TBCE: variants seen among roughly 807,000 people sequenced by gnomAD.
TBCE encodes tubulin folding cofactor E.
In TBCE, 53 loss-of-function variants were observed where a neutral mutation model predicts 77.0. The observed-to-expected ratio is 0.69, with a 90% CI of 0.55 to 0.87. The LOEUF (loss-of-function observed/expected upper bound fraction) is 0.87, where lower values mean the gene tolerates loss of function less well. Ranked by LOEUF, TBCE falls within the 40% of genes least tolerant of loss-of-function variation. The probability of loss-of-function intolerance (pLI) is 0.00; values close to 1 mark genes in which losing one functional copy is unlikely to be tolerated. For missense variants in TBCE, 624 were observed against 622.4 expected (o/e 1.00, Z -0.03); for synonymous variants, 235 against 241.3 (o/e 0.97, Z 0.24).
intron 5 of TBCE, among the ~76,000 whole-genome samples, chr1:235,422,682 A>G (rs1436273907): frequency 6.6e-6 from 1 of 151,874 alleles, no homozygotes; most frequent in Non-Finnish European, 1.5e-5. Context: ...TACAAAAATT[A>G]GCCAGGCATG....
intron 4 of TBCE, 122 bp downstream of exon 4, chr1:235,414,740 A>G (rs1680018817): frequency 1.1e-6 from 1 of 932,018 alleles, no homozygotes; most frequent in Admixed American, 2.1e-5. Context: ...ATGGTTCCAC[A>G]GAAACGGAAT....
At chr1:235,430,370 A>G (rs1681017837) in intron 6 of TBCE, 1 of 254,544 alleles carries the variant, frequency 3.9e-6, no homozygotes, top group Non-Finnish European at 7.7e-6. Context: ...TTTGTTTTGC[A>G]GTATCCAGAG....
At chr1:235,414,651 T>A (rs1470163244) in intron 4 of TBCE, 33 bp downstream of exon 4, 1 of 1,605,382 alleles carries the variant, frequency 6.2e-7, no homozygotes, top group South Asian at 1.1e-5. Flanking sequence ...GAGCTGACTT[T>A]TATGGTTTTA....
At position 235,450,280 on chromosome 1, in the gene TBCE, A is replaced by AAT. The variant is rs768024380; in HGVS notation, c.*1520_*1521dup. The stretch of plus-strand genomic sequence containing the variant: ...CACAGTTCCGTCAGTTCCCACGGAG[A>AAT]ATACTGAGGAGAAGACAGCATTCCT... On this transcript the variant is annotated 3_prime_UTR_variant, in exon 17 of 17. Coordinates refer to ENST00000642610, the MANE Select transcript of TBCE (RefSeq NM_003193.5). 1.2e-6 allele frequency: 2 copies of AAT among 1,613,924 alleles called. No homozygotes were observed. Among genetic ancestry groups the AAT allele is most frequent in the Non-Finnish European group, 1.7e-6 (2 of 1,179,790 alleles).
intron 5 of TBCE, among the ~76,000 whole-genome samples, chr1:235,420,086 AAAAAAG>A (rs1310634537): frequency 2.7e-5 from 4 of 149,722 alleles, no homozygotes; most frequent in Non-Finnish European, 5.9e-5. Flanking sequence ...TCATCTCAAA[AAAAAAG>A]AAAGGGGGCA....
Position 235,446,060 on chromosome 1 carries a change from G to T in TBCE, c.1400-2289G>T, listed in dbSNP as rs1682250362. Among the ~76,000 whole-genome samples the T allele has an allele frequency of 2.0e-5, 3 of 152,316 alleles. No individual in the cohort carries two copies. In the South Asian group the frequency reaches 6.2e-4, roughly 32 times the overall value. ...TTTCCAGGTGCTCAGTACCACATGT[G>T]GCTGCCATACTGGGCAGTGTATGGC... On this transcript the variant is annotated intron_variant, in intron 15 of 16. Transcript: ENST00000642610.
At chr1:235,410,359 G>T (rs951499041) in intron 3 of TBCE, among the ~76,000 whole-genome samples, 1 of 152,126 alleles carries the variant, frequency 6.6e-6, no homozygotes, top group Non-Finnish European at 1.5e-5. Context: ...GCTAAACAAG[G>T]GGTGGATTAT....
intron 15 of TBCE, among the ~76,000 whole-genome samples, chr1:235,446,798 A>T (rs1465600935): frequency 1.3e-5 from 2 of 151,532 alleles, no homozygotes; most frequent in Non-Finnish European, 2.9e-5. Context: ...CCTGGGCTCA[A>T]GTGATCCTCC....
chr1:235,407,794 T>C (rs1357575390), intron 3 of TBCE, among the ~76,000 whole-genome samples: 1 of 152,212 alleles, frequency 6.6e-6, no homozygotes, highest in Admixed American at 6.5e-5. Context: ...TACTTCTTGT[T>C]GAAGGGGTAG....
At position 235,369,262 on chromosome 1, in the gene TBCE, A is replaced by C. The variant is rs1427563855; in HGVS notation, c.-32+1758A>C. Among the ~76,000 whole-genome samples, 3 of 151,624 alleles carry C rather than the reference A, an allele frequency of 2.0e-5. No individual in the cohort carries two copies. The East Asian group carries it at 5.8e-4, about 29-fold the overall frequency. On this transcript the variant is annotated intron_variant, in intron 1 of 16. Coordinates refer to ENST00000642610, the MANE Select transcript of TBCE (RefSeq NM_003193.5). ...GGTGGCTCATGCCTGTAATCCCAGC[A>C]CTTTGGGAGGCCGAGGTGGGTGGAT...
At chr1:235,372,118 C>A (rs1036733944) in intron 1 of TBCE, among the ~76,000 whole-genome samples, 5 of 152,096 alleles carry the variant, frequency 3.3e-5, no homozygotes, top group African/African-American at 1.2e-4. Flanking sequence ...AATACATTGG[C>A]CTATAGGCGT....
chr1:235,389,572 C>T (rs1678254569), intron 2 of TBCE, among the ~76,000 whole-genome samples: 1 of 152,006 alleles, frequency 6.6e-6, no homozygotes, highest in South Asian at 2.1e-4. Context: ...ACCTCATAAT[C>T]TGCCCATCTC....
chr1:235,438,933 A>T lies in TBCE; in HGVS notation c.1270+11A>T. 1.2e-6 allele frequency: 2 copies of T among 1,614,136 alleles called. No individual in the cohort carries two copies. Among genetic ancestry groups the T allele is most frequent in the South Asian group, 1.1e-5 (1 of 91,076 alleles). The stretch of plus-strand genomic sequence containing the variant: ...AGTTCCTCTGCCTGAGTACGTGCGT[A>T]TACACTGGTGGCCTTCAGGTGGTGG... On this transcript the variant is annotated intron_variant, in intron 13 of 16. Transcript: ENST00000642610.
At position 235,392,917 on chromosome 1, in the gene TBCE, G is replaced by A. The variant is rs1275143050; in HGVS notation, c.101-8586G>A. Among the ~76,000 whole-genome samples the A allele has an allele frequency of 3.3e-5, 5 of 151,920 alleles. No homozygotes were observed. In the East Asian group the frequency reaches 9.7e-4, roughly 29 times the overall value. ...CTGTAGTCCCAGCTACTGGGAGGCT[G>A]AGGTGGGAGGATTGCTTGAGCCCAT... is the stretch of plus-strand genomic sequence containing the variant. On this transcript the variant is annotated intron_variant, in intron 2 of 16. Transcript: ENST00000642610.
rs917951280 is a variant in TBCE at position 235,374,291 on chromosome 1, C to G, written c.-31-5728C>G. Among the ~76,000 whole-genome samples the G allele has an allele frequency of 1.4e-5, 2 of 145,804 alleles. 1 individual carries two copies. The highest frequency in any genetic ancestry group is 5.3e-5 in the African/African-American group (2 of 37,758). On this transcript the variant is annotated intron_variant, in intron 1 of 16. Transcript: ENST00000642610. ...AATGAATGCTTTTCAGACCATTGTACCCCACGTGCAGGTCAGGCCACATCT... is the reference window on the plus strand; with the variant it reads ...AATGAATGCTTTTCAGACCATTGTAGCCCACGTGCAGGTCAGGCCACATCT...
At chr1:235,368,552 CT>C (rs757168655) in intron 1 of TBCE, among the ~76,000 whole-genome samples, 115 of 49,722 alleles carry the variant, frequency 2.3e-3, no homozygotes, top group African/African-American at 8.3e-3. Flanking sequence ...GGACAGCCTG[CT>C]TTTTTTTTTT....
Position 235,438,867 on chromosome 1 carries a change from CAG to C in TBCE, c.1217_1218del (p.Arg406ThrfsTer23). The C allele has an allele frequency of 6.2e-7, 1 of 1,614,144 alleles. No individual in the cohort carries two copies. Among genetic ancestry groups the C allele is most frequent in the Non-Finnish European group, 8.5e-7 (1 of 1,180,028 alleles). Reference sequence around the variant, plus strand: ...GTGGACATAAGGATCCGGAAAAAAACAGACTCAGCGAAGAATTCCTCACAGCC... The same window carrying C: ...GTGGACATAAGGATCCGGAAAAAAACACTCAGCGAAGAATTCCTCACAGCC... ...AGGHKDPEKNRLSEEFLTAHP... is the reference protein window; with the variant it reads ...AGGHKDPEKNXLSEEFLTAHP... On this transcript the variant is annotated frameshift_variant, in exon 13 of 17. Coordinates refer to ENST00000642610, the MANE Select transcript of TBCE (RefSeq NM_003193.5). LOFTEE classifies it high-confidence loss of function.
chr1:235,450,848 T>G lies in TBCE; in HGVS notation c.*2086T>G, dbSNP rs1173320293. The G allele has an allele frequency of 6.5e-6, 1 of 152,802 alleles. No individual in the cohort carries two copies. The allele number at this position is 152,802 out of a possible 1,614,324, so 9.5% of individuals were successfully genotyped here. On this transcript the variant is annotated 3_prime_UTR_variant, in exon 17 of 17. Coordinates refer to ENST00000642610, the MANE Select transcript of TBCE (RefSeq NM_003193.5). Reference sequence around the variant, plus strand: ...TGTTCCAGGTCACAGGGCTGGTAAATGAAGAGGAGGGATTAAAGACTCCCA... The same window carrying G: ...TGTTCCAGGTCACAGGGCTGGTAAAGGAAGAGGAGGGATTAAAGACTCCCA...
rs545942965 is a variant in TBCE at position 235,451,248 on chromosome 1, A to T, written c.*2486A>T. 6.6e-6 allele frequency: 1 copy of T among 152,194 alleles called. No individual in the cohort carries two copies. Among genetic ancestry groups the T allele is most frequent in the African/African-American group, 2.4e-5 (1 of 41,406 alleles). The allele number at this position is 152,194 out of a possible 1,614,324, so 9.4% of individuals were successfully genotyped here. A position where few individuals can be genotyped will look rare whatever the true frequency, so the allele number is the denominator to read the frequency against. On this transcript the variant is annotated 3_prime_UTR_variant, in exon 17 of 17. Coordinates refer to ENST00000642610, the MANE Select transcript of TBCE (RefSeq NM_003193.5). ...AGTCTTGCCCCTCAGTGGGATGGAA[A>T]GGAGTCTCTCTCCCCTCAGTGCCTA...
Sources: allele counts gnomAD v4.1 joint callset (sites outside exome capture counted in the v4.1 genomes callset), GRCh38; gene constraint gnomAD v4.1.1; transcripts MANE v1.5; gene names NCBI Gene and HGNC (gene_info 2026-07-23, HGNC 2026-07-21).